Variants in ARL8B observed in about 807,000 individuals in gnomAD.
The protein encoded by ARL8B is ARF like GTPase 8B, also known as ADP-ribosylation factor-like protein 8B.
Under a neutral mutation model 30.6 loss-of-function variants are expected in ARL8B, and 9 were observed. The ratio of observed to expected loss-of-function variants is 0.29; its 90% CI spans 0.18 to 0.51. ARL8B has a LOEUF of 0.51. ARL8B is among the 20% of genes least tolerant of loss of function. ARL8B has a pLI of 0.97. For synonymous variants in ARL8B, 74 were observed against 76.0 expected, an observed-to-expected ratio of 0.97 and a Z score of 0.14; for missense variants, 130 against 227.2, an observed-to-expected ratio of 0.57 and a Z score of 2.75.
chr3:5,130,727 G>A (rs1382394100), intron 1 of ARL8B, among the ~76,000 whole-genome samples: 2 of 151,662 alleles, frequency 1.3e-5, no homozygotes, highest in Non-Finnish European at 2.9e-5. Flanking sequence ...GTAGAGATGG[G>A]GTTTCGCTAC....
intron 1 of ARL8B, among the ~76,000 whole-genome samples, chr3:5,150,540 T>A (rs2054473343): frequency 6.6e-6 from 1 of 151,914 alleles, no homozygotes; most frequent in Admixed American, 6.6e-5. Context: ...CCCAGCACTT[T>A]GGTAGGCCAA....
rs977666652 is a variant in ARL8B, at chr3:5,146,642, A to C, written c.124-23861A>C. The stretch of plus-strand genomic sequence containing the variant: ...TATTAGGAGGCCCATTATGACTTTT[A>C]ATTGTTCTGCCTGTATTCCTAATTC... On this transcript the variant is annotated intron_variant, in intron 1 of 6. Transcript: ENST00000256496. Among the ~76,000 whole-genome samples, 3 of 152,038 alleles carry C rather than the reference A, an allele frequency of 2.0e-5. No homozygotes were observed. The East Asian group carries it at 5.8e-4, about 29-fold the overall frequency.
In ARL8B at chr3:5,170,514, C is replaced by T; in HGVS notation, c.135C>T (p.Phe45=). 6.2e-7 allele frequency: 1 copy of T among 1,611,486 alleles called. No homozygotes were observed. The highest frequency in any genetic ancestry group is 8.5e-7 in the Non-Finnish European group (1 of 1,178,430). ...TFVNVIASGQ[F]SEDMIPTVGF... is the part of the protein sequence containing the mutation. ...TTTATTTTGTTCAGTCAGGTCAATT[C>T]AGTGAAGATATGATACCCACAGTGG... Residue 45 remains phenylalanine (F), a synonymous_variant, in exon 2 of 7, where the codon TTC becomes TTT. Transcript: ENST00000256496.
intron 1 of ARL8B, among the ~76,000 whole-genome samples, chr3:5,152,912 C>G (rs1559281307): frequency 6.6e-6 from 1 of 152,192 alleles, no homozygotes; most frequent in African/African-American, 2.4e-5. Flanking sequence ...ATATTTAAGA[C>G]TTAGTTTAAA....
At chr3:5,141,659 G>A (rs962584351) in intron 1 of ARL8B, among the ~76,000 whole-genome samples, 1 of 152,176 alleles carries the variant, frequency 6.6e-6, no homozygotes. Flanking sequence ...AGAGTTGTCA[G>A]TCCTTGTAAA....
chr3:5,155,764 T>C lies in ARL8B; in HGVS notation c.124-14739T>C, dbSNP rs529782495. 9.9e-5 allele frequency among the ~76,000 whole-genome samples: 15 copies of C among 151,926 alleles called. No homozygotes were observed. The South Asian group carries it at 2.9e-3, about 30-fold the overall frequency. On this transcript the variant is annotated intron_variant, in intron 1 of 6. Coordinates refer to ENST00000256496, the MANE Select transcript of ARL8B (RefSeq NM_018184.3). The stretch of plus-strand genomic sequence containing the variant: ...TTTTCAACTCTGAACACTTTCTTTT[T>C]GGCATCTTTTTCGGTTTTCTACCTC...
At chr3:5,168,267 T>C (rs1373690913) in intron 1 of ARL8B, among the ~76,000 whole-genome samples, 2 of 152,190 alleles carry the variant, frequency 1.3e-5, no homozygotes, top group Non-Finnish European at 2.9e-5. Context: ...GAGAAGGTTT[T>C]GCCGTGTCAC....
intron 1 of ARL8B, among the ~76,000 whole-genome samples, chr3:5,135,633 A>G (rs1041893476): frequency 1.3e-5 from 2 of 149,934 alleles, no homozygotes; most frequent in Admixed American, 6.7e-5. Flanking sequence ...TACTTTTTGT[A>G]TTTTTGGTAG....
intron 1 of ARL8B, among the ~76,000 whole-genome samples, chr3:5,155,851 T>G (rs1175820702): frequency 3.0e-5 from 4 of 133,116 alleles, no homozygotes; most frequent in South Asian, 2.2e-4. Flanking sequence ...GTGTTTTTTT[T>G]TTGTTGTTGT....
At chr3:5,139,197 AG>A (rs1347551696) in intron 1 of ARL8B, among the ~76,000 whole-genome samples, 1 of 152,228 alleles carries the variant, frequency 6.6e-6, no homozygotes, top group Non-Finnish European at 1.5e-5. Context: ...AAATGTTAAA[AG>A]TAGGCACTAA....
At chr3:5,146,529 T>A (rs1016565054) in intron 1 of ARL8B, among the ~76,000 whole-genome samples, 1 of 152,230 alleles carries the variant, frequency 6.6e-6, no homozygotes, top group African/African-American at 2.4e-5. Context: ...GTTGTTTTAG[T>A]TCAGTCTGTA....
intron 4 of ARL8B, among the ~76,000 whole-genome samples, chr3:5,173,143 A>T (rs2054691853): frequency 6.6e-6 from 1 of 152,180 alleles, no homozygotes; most frequent in East Asian, 1.9e-4. Flanking sequence ...GATGTGATCT[A>T]GTTTGAGGGA....
At chr3:5,150,200 C>T (rs917542601) in intron 1 of ARL8B, among the ~76,000 whole-genome samples, 1 of 152,100 alleles carries the variant, frequency 6.6e-6, no homozygotes. Context: ...CGGTGGCTTA[C>T]GCTTGTAATC....
At chr3:5,138,117 G>A (rs1371448430) in intron 1 of ARL8B, among the ~76,000 whole-genome samples, 3 of 149,844 alleles carry the variant, frequency 2.0e-5, no homozygotes, top group Admixed American at 2.0e-4. Context: ...GTTTATTTGG[G>A]TTTTTCTTCT....
chr3:5,155,984 C>T (rs374210250), intron 1 of ARL8B, among the ~76,000 whole-genome samples: 17 of 152,036 alleles, frequency 1.1e-4, no homozygotes, highest in South Asian at 4.2e-4. Flanking sequence ...CTCACGGCAA[C>T]CTCCGCCTCC....
intron 2 of ARL8B, chr3:5,170,825 G>T: frequency 3.2e-6 from 1 of 312,608 alleles, no homozygotes; most frequent in South Asian, 3.8e-5. Flanking sequence ...TCTACCTCCC[G>T]GTTCAAGTGA....
At chr3:5,155,814 G>T (rs1228565170) in intron 1 of ARL8B, among the ~76,000 whole-genome samples, 1 of 148,062 alleles carries the variant, frequency 6.8e-6, no homozygotes, top group African/African-American at 2.5e-5. Flanking sequence ...TATTTTGTTC[G>T]TACATAGTTT....
At chr3:5,123,529 AGTT>A (rs1376199605) in intron 1 of ARL8B, among the ~76,000 whole-genome samples, 1 of 152,192 alleles carries the variant, frequency 6.6e-6, no homozygotes, top group Admixed American at 6.6e-5. Context: ...AGAGCCCAAG[AGTT>A]GTTGTGACTC....
chr3:5,178,283 C>T (rs1346561359), intron 6 of ARL8B, among the ~76,000 whole-genome samples: 3 of 151,816 alleles, frequency 2.0e-5, no homozygotes, highest in East Asian at 3.9e-4. Context: ...CCCCAAGCCC[C>T]GGGAATTACT....
Sources: gnomAD v4.1 joint callset for allele counts (sites outside exome capture counted in the v4.1 genomes callset) on GRCh38, gnomAD v4.1.1 for gene constraint, MANE v1.5 for transcripts, NCBI Gene and HGNC (gene_info 2026-07-23, HGNC 2026-07-21) for gene names.